The following MCF2 variants were observed in gnomAD, a reference collection of about 807,000 sequenced individuals.
The protein encoded by MCF2 is MCF.2 cell line derived transforming sequence.
MCF2 carries 44 observed loss-of-function variants against 82.5 expected under a neutral mutation model. The ratio of observed to expected loss-of-function variants is 0.53; its 90% CI spans 0.42 to 0.69. MCF2 has a LOEUF of 0.69. MCF2 is among the 30% of genes least tolerant of loss of function. The pLI is 0.00. For missense variants in MCF2, 623 were observed against 663.1 expected, an observed-to-expected ratio of 0.94 and a Z score of 0.66; for synonymous variants, 217 against 224.9, an observed-to-expected ratio of 0.96 and a Z score of 0.32.
At chrX:139,622,045 C>T (rs1446526032) in intron 6 of MCF2, among the ~76,000 whole-genome samples, 5 of 111,461 alleles carry the variant, frequency 4.5e-5, no homozygotes, top group Non-Finnish European at 7.5e-5. Flanking sequence ...AAAAAACAAA[C>T]AACCCCATCA....
chrX:139,641,089 A>G (rs1181744510), intron 1 of MCF2, among the ~76,000 whole-genome samples: 1 of 109,220 alleles, frequency 9.2e-6, no homozygotes, highest in East Asian at 2.8e-4. Flanking sequence ...ATGTCTATTC[A>G]GTGAGTACCC....
At chrX:139,610,639 C>G (rs1931426028) in intron 10 of MCF2, among the ~76,000 whole-genome samples, 1 of 111,746 alleles carries the variant, frequency 8.9e-6, no homozygotes, top group Non-Finnish European at 1.9e-5. Context: ...AGTATTCATT[C>G]TGACACAAAA....
intron 22 of MCF2, 22 bp from the exon 27 acceptor site, chrX:139,586,509 C>T (rs1247385498): frequency 9.7e-7 from 1 of 1,034,408 alleles, no homozygotes. Flanking sequence ...ATGTATAAAA[C>T]TAAGTGAGCT....
intron 7 of MCF2, 110 bp from the exon 11 acceptor site, chrX:139,617,814 C>T (rs1932036414): frequency 2.6e-6 from 1 of 384,911 alleles, no homozygotes; most frequent in Admixed American, 5.0e-5. Context: ...GGATACATTG[C>T]CAAAAATACA....
chrX:139,606,533 T>C (rs1931031879), intron 12 of MCF2, among the ~76,000 whole-genome samples: 1 of 110,446 alleles, frequency 9.1e-6, no homozygotes, highest in African/African-American at 3.3e-5. Flanking sequence ...AATTTTTGTA[T>C]TTTTTGGTAG....
chrX:139,635,515 G>A (rs368039457), intron 1 of MCF2, among the ~76,000 whole-genome samples: 215 of 109,856 alleles, frequency 2.0e-3, no homozygotes, highest in African/African-American at 6.6e-3. Flanking sequence ...AAATTAGCCG[G>A]GTGTGTTGGC....
At chrX:139,606,886 ATATG>A (rs1250040818) in intron 12 of MCF2, among the ~76,000 whole-genome samples, 2 of 110,807 alleles carry the variant, frequency 1.8e-5, no homozygotes, top group Admixed American at 1.9e-4. Flanking sequence ...ATATATATAT[ATATG>A]TATCTCATAC....
intron 4 of MCF2, 94 bp from the exon 8 acceptor site, chrX:139,626,850 G>A (rs1056204183): frequency 7.6e-5 from 58 of 766,055 alleles, no homozygotes; most frequent in Non-Finnish European, 7.1e-5. Context: ...ATGAAGAATC[G>A]AAACAGTTAA....
intron 19 of MCF2, among the ~76,000 whole-genome samples, chrX:139,590,507 G>C (rs1194089015): frequency 9.6e-6 from 1 of 104,385 alleles, no homozygotes; most frequent in Non-Finnish European, 2.0e-5. Flanking sequence ...ATGGGACATT[G>C]TTGTCTTTTT....
intron 1 of MCF2, among the ~76,000 whole-genome samples, chrX:139,685,528 G>A (rs369274207): frequency 9.0e-6 from 1 of 110,896 alleles, no homozygotes; most frequent in East Asian, 2.8e-4. Flanking sequence ...AATCGATCAC[G>A]ACCCTCTCAA....
At chrX:139,665,897 G>GTATATATATATATATATA (rs761065038) in intron 1 of MCF2, among the ~76,000 whole-genome samples, 4 of 68,585 alleles carry the variant, frequency 5.8e-5, no homozygotes, top group Non-Finnish European at 1.0e-4. Context: ...AGGTGTGTGT[G>GTATATATATATATATATA]TATATATATA....
Position 139,686,807 on chromosome X carries a change from T to C in MCF2, c.-45+21299A>G, listed in dbSNP as rs147060803. ...ATTACCTCTCTGGTTCAAGTTGCCATCATTAATGCTAATAGCCTCTTAACT... is the reference window on the plus strand; with the variant it reads ...ATTACCTCTCTGGTTCAAGTTGCCACCATTAATGCTAATAGCCTCTTAACT... On this transcript the variant is annotated intron_variant, in intron 1 of 27. Coordinates refer to the MCF2 transcript ENST00000414978. Among the ~76,000 whole-genome samples, 138 of 111,783 alleles carry C rather than the reference T, an allele frequency of 1.2e-3. 1 individual carries two copies. Among genetic ancestry groups the C allele is most frequent in the Non-Finnish European group, 2.0e-3 (108 of 53,190 alleles).
At chrX:139,669,925 T>C (rs1184932450) in intron 1 of MCF2, among the ~76,000 whole-genome samples, 1 of 111,827 alleles carries the variant, frequency 8.9e-6, no homozygotes, top group Non-Finnish European at 1.9e-5. Flanking sequence ...ATAGCTAAAA[T>C]ATACAGGGTT....
At chrX:139,655,838 T>C (rs1224050072) in intron 1 of MCF2, among the ~76,000 whole-genome samples, 1 of 111,446 alleles carries the variant, frequency 9.0e-6, no homozygotes, top group Admixed American at 9.5e-5. Context: ...TTCTTTCCAG[T>C]ATGGATGCCC....
intron 1 of MCF2, among the ~76,000 whole-genome samples, chrX:139,695,635 T>C (rs1806291064): frequency 8.9e-6 from 1 of 112,064 alleles, no homozygotes. Flanking sequence ...TCATTAATTA[T>C]GCAGTCATTG....
intron 7 of MCF2, among the ~76,000 whole-genome samples, chrX:139,619,344 G>A (rs888890030): frequency 2.7e-4 from 30 of 110,360 alleles, no homozygotes; most frequent in South Asian, 1.2e-3. Flanking sequence ...ATGATGGGAG[G>A]AAGGCAAGCG....
intron 10 of MCF2, among the ~76,000 whole-genome samples, chrX:139,613,787 T>C (rs1931679704): frequency 9.0e-6 from 1 of 111,476 alleles, no homozygotes; most frequent in Non-Finnish European, 1.9e-5. Flanking sequence ...AGTTTTAATA[T>C]TCCCTGTATC....
rs757662655 is a variant in MCF2 at position 139,679,145 on chromosome X, T to C, written c.-44-27357A>G. 4.4e-5 allele frequency among the ~76,000 whole-genome samples: 5 copies of C among 112,615 alleles called. No homozygotes were observed. The East Asian group carries it at 1.4e-3, about 31-fold the overall frequency. On this transcript the variant is annotated intron_variant, in intron 1 of 27. Coordinates refer to the MCF2 transcript ENST00000414978. ...TCAACCCAAACTTTTAGTGTTTGCC[T>C]GAGCACCTACTATGCATTCAATGTC... is the stretch of plus-strand genomic sequence containing the variant.
intron 20 of MCF2, 21 bp downstream of exon 24, chrX:139,589,814 A>G: frequency 9.2e-7 from 1 of 1,090,388 alleles, no homozygotes; most frequent in Non-Finnish European, 1.2e-6. Flanking sequence ...GGGTTTCTAG[A>G]AGAATTTTCA....
Sources: gnomAD v4.1 joint callset for allele counts (sites outside exome capture counted in the v4.1 genomes callset) on GRCh38, gnomAD v4.1.1 for gene constraint, MANE v1.5 for transcripts, NCBI Gene and HGNC (gene_info 2026-07-23, HGNC 2026-07-21) for gene names.